Variants in CNTNAP2 observed in about 807,000 individuals in gnomAD.
The protein encoded by CNTNAP2 is contactin associated protein 2, also known as contactin-associated protein-like 2.
CNTNAP2 carries 98 observed loss-of-function variants against 155.2 expected under a neutral mutation model. The observed-to-expected ratio is 0.63, with a 90% CI of 0.54 to 0.75. CNTNAP2 has a LOEUF of 0.75. Among genes scored for constraint, CNTNAP2 ranks in the 30% least tolerant of loss-of-function variants. The pLI is 0.00. For synonymous variants in CNTNAP2, 651 were observed against 631.2 expected, an observed-to-expected ratio of 1.03 and a Z score of -0.47; for missense variants, 1,727 against 1,688.1, an observed-to-expected ratio of 1.02 and a Z score of -0.40.
intron 1 of CNTNAP2, among the ~76,000 whole-genome samples, chr7:146,625,364 T>G (rs999580115): frequency 4.0e-5 from 6 of 151,638 alleles, no homozygotes; most frequent in African/African-American, 1.5e-4. Context: ...TTGAAAAAAA[T>G]GAGAGTTTTG....
chr7:146,555,005 T>C (rs1798176228), intron 1 of CNTNAP2, among the ~76,000 whole-genome samples: 2 of 152,124 alleles, frequency 1.3e-5, no homozygotes, highest in South Asian at 4.1e-4. Flanking sequence ...TAAAGAGAGG[T>C]TAACTTATTT....
chr7:147,716,397 G>A (rs796230969), intron 13 of CNTNAP2, among the ~76,000 whole-genome samples: 1 of 152,062 alleles, frequency 6.6e-6, no homozygotes, highest in African/African-American at 2.4e-5. Context: ...TGAGCTGGTG[G>A]TGAGGCAGAG....
intron 8 of CNTNAP2, among the ~76,000 whole-genome samples, chr7:147,272,654 C>T (rs1285257029): frequency 4.2e-5 from 6 of 143,258 alleles, no homozygotes; most frequent in African/African-American, 7.5e-5. Context: ...GCCGCCACCA[C>T]GCCCGGCTAA....
chr7:146,182,600 G>A (rs926830509), intron 1 of CNTNAP2, among the ~76,000 whole-genome samples: 1 of 151,914 alleles, frequency 6.6e-6, no homozygotes, highest in Non-Finnish European at 1.5e-5. Context: ...CATTTCCATC[G>A]CTTCACTTTG....
chr7:146,450,032 TACATTATTAAATACGG>T (rs1221926065), intron 1 of CNTNAP2, among the ~76,000 whole-genome samples: 2 of 152,222 alleles, frequency 1.3e-5, no homozygotes, highest in African/African-American at 2.4e-5. Context: ...AGTATATCCT[TACATTATTAAATACGG>T]ACATTATGCA....
intron 21 of CNTNAP2, among the ~76,000 whole-genome samples, chr7:148,342,045 G>A (rs1377316857): frequency 2.6e-5 from 4 of 152,196 alleles, no homozygotes; most frequent in Admixed American, 2.0e-4. Context: ...AGTGTTTTAT[G>A]TCTTTAATTT....
intron 10 of CNTNAP2, among the ~76,000 whole-genome samples, chr7:147,439,738 T>C (rs1797607048): frequency 6.6e-6 from 1 of 152,046 alleles, no homozygotes; most frequent in African/African-American, 2.4e-5. Context: ...TCTAATAATA[T>C]TTGCTTTATA....
At chr7:146,972,172 A>G (rs1797814000) in intron 3 of CNTNAP2, among the ~76,000 whole-genome samples, 1 of 152,172 alleles carries the variant, frequency 6.6e-6, no homozygotes, top group Admixed American at 6.5e-5. Context: ...GAATTAGCAC[A>G]CAGCATATTT....
chr7:146,339,254 C>G (rs926815769), intron 1 of CNTNAP2, among the ~76,000 whole-genome samples: 1 of 151,612 alleles, frequency 6.6e-6, no homozygotes, highest in Admixed American at 6.6e-5. Context: ...TACACATATG[C>G]GTGTACATAC....
At chr7:148,088,127 A>T (rs192660254) in intron 15 of CNTNAP2, among the ~76,000 whole-genome samples, 1 of 152,196 alleles carries the variant, frequency 6.6e-6, no homozygotes, top group Admixed American at 6.5e-5. Context: ...CAGCAAGTTG[A>T]ATCCTTGTAT....
At chr7:147,409,744 A>G (rs1294610327) in intron 10 of CNTNAP2, among the ~76,000 whole-genome samples, 1 of 152,194 alleles carries the variant, frequency 6.6e-6, no homozygotes, top group East Asian at 1.9e-4. Context: ...AAAGGACGTG[A>G]ACAGACACTT....
intron 1 of CNTNAP2, among the ~76,000 whole-genome samples, chr7:146,413,266 C>T (rs1014593668): frequency 2.0e-5 from 3 of 152,126 alleles, no homozygotes; most frequent in Non-Finnish European, 4.4e-5. Flanking sequence ...GTCTGCATGT[C>T]GTGAGGGCCA....
chr7:148,212,157 C>T (rs950051598), intron 18 of CNTNAP2, among the ~76,000 whole-genome samples: 12 of 151,082 alleles, frequency 7.9e-5, no homozygotes, highest in African/African-American at 2.9e-4. Flanking sequence ...TTTTTTTCTC[C>T]CACTGTAAGC....
chr7:148,381,053 C>G (rs1050024176), intron 21 of CNTNAP2, among the ~76,000 whole-genome samples: 1 of 152,262 alleles, frequency 6.6e-6, no homozygotes, highest in African/African-American at 2.4e-5. Flanking sequence ...CAGGGGTAAG[C>G]ACGCGGGTGA....
At chr7:147,937,145 T>A (rs939681991) in intron 14 of CNTNAP2, among the ~76,000 whole-genome samples, 1 of 152,076 alleles carries the variant, frequency 6.6e-6, no homozygotes, top group Non-Finnish European at 1.5e-5. Flanking sequence ...GAGGAAGACA[T>A]GATAGGCCAG....
chr7:146,620,705 A>G (rs1284161882), intron 1 of CNTNAP2, among the ~76,000 whole-genome samples: 2 of 152,226 alleles, frequency 1.3e-5, no homozygotes, highest in Admixed American at 6.5e-5. Flanking sequence ...GACATAACAG[A>G]AAACAATGTT....
intron 1 of CNTNAP2, among the ~76,000 whole-genome samples, chr7:146,579,621 C>A (rs1009871615): frequency 2.6e-5 from 4 of 152,102 alleles, no homozygotes; most frequent in African/African-American, 7.2e-5. Context: ...GAGACTCACT[C>A]ATTGAAAGAT....
At chr7:147,229,522 G>T (rs1245370125) in intron 8 of CNTNAP2, among the ~76,000 whole-genome samples, 3 of 152,154 alleles carry the variant, frequency 2.0e-5, no homozygotes, top group African/African-American at 7.2e-5. Flanking sequence ...TTTCCAGTTG[G>T]TATCTACAAG....
intron 2 of CNTNAP2, among the ~76,000 whole-genome samples, chr7:146,775,028 A>G (rs1288959959): frequency 1.3e-5 from 2 of 152,220 alleles, no homozygotes; most frequent in Non-Finnish European, 2.9e-5. Flanking sequence ...GAACACTGGT[A>G]CAAACATCAG....
Sources: allele counts gnomAD v4.1 joint callset (sites outside exome capture counted in the v4.1 genomes callset), GRCh38; gene constraint gnomAD v4.1.1; transcripts MANE v1.5; gene names NCBI Gene and HGNC (gene_info 2026-07-23, HGNC 2026-07-21).